The following DSCAM variants were observed in gnomAD, a reference collection of about 807,000 sequenced individuals.
The protein encoded by DSCAM is cell adhesion molecule DSCAM.
In DSCAM, 47 loss-of-function variants were observed where a neutral mutation model predicts 217.7. The observed-to-expected ratio is 0.22, with a 90% CI of 0.17 to 0.28. DSCAM has a LOEUF of 0.28. Among genes scored for constraint, DSCAM ranks in the 10% least tolerant of loss-of-function variants. The pLI, the probability that DSCAM is intolerant of heterozygous loss-of-function variation, is 1.00. For missense variants in DSCAM, 2,080 were observed against 2,618.3 expected (o/e 0.79, Z 4.49); for synonymous variants, 1,056 against 1,015.3 (o/e 1.04, Z -0.76).
chr21:40,722,429 T>C (rs1040946064), intron 1 of DSCAM, among the ~76,000 whole-genome samples: 1 of 152,164 alleles, frequency 6.6e-6, no homozygotes, highest in Non-Finnish European at 1.5e-5. Context: ...GGTCCTTCTA[T>C]AAATTAAGTG....
chr21:40,192,830 A>T (rs192879177), intron 11 of DSCAM, among the ~76,000 whole-genome samples: 68 of 152,310 alleles, frequency 4.5e-4, no homozygotes, highest in African/African-American at 1.6e-3. Flanking sequence ...CCACTGATGC[A>T]CACTGGGGTT....
Position 40,828,986 on chromosome 21 carries a change from C to T in DSCAM, c.43+17633G>A, listed in dbSNP as rs140739909. 7.2e-5 allele frequency among the ~76,000 whole-genome samples: 11 copies of T among 152,284 alleles called. No individual in the cohort carries two copies. In the East Asian group the frequency reaches 1.4e-3, roughly 19 times the overall value. On this transcript the variant is annotated intron_variant, in intron 1 of 32. Coordinates refer to ENST00000400454, the MANE Select transcript of DSCAM (RefSeq NM_001389.5). ...TCTTGTTACTACAAGGTCTGCTTCC[C>T]GCAGCCCCTGCTAGTTCACTCTGTA...
chr21:40,549,175 G>C (rs1431215460), intron 3 of DSCAM, among the ~76,000 whole-genome samples: 1 of 152,138 alleles, frequency 6.6e-6, no homozygotes, highest in Non-Finnish European at 1.5e-5. Flanking sequence ...GCAACACAGT[G>C]TGACCCTGTC....
At chr21:40,067,790 TTTTTA>T (rs1174876777) in intron 27 of DSCAM, among the ~76,000 whole-genome samples, 1 of 134,980 alleles carries the variant, frequency 7.4e-6, no homozygotes, top group Non-Finnish European at 1.6e-5. Context: ...TCCTTCCTTC[TTTTTA>T]TAATTCCTGG....
chr21:40,799,968 A>C (rs2091725027), intron 1 of DSCAM, among the ~76,000 whole-genome samples: 1 of 152,182 alleles, frequency 6.6e-6, no homozygotes. Flanking sequence ...GCAATATTGA[A>C]ATGTGGACTT....
intron 11 of DSCAM, among the ~76,000 whole-genome samples, chr21:40,217,144 C>T (rs949107858): frequency 2.0e-5 from 3 of 152,172 alleles, no homozygotes; most frequent in African/African-American, 7.2e-5. Context: ...TATTTGAAGT[C>T]TCAGAAGACT....
chr21:40,662,111 C>T (rs879649206), intron 3 of DSCAM, among the ~76,000 whole-genome samples: 4 of 106,870 alleles, frequency 3.7e-5, no homozygotes, highest in Non-Finnish European at 8.8e-5. Flanking sequence ...GGAATAAGCA[C>T]ATTACGTTGT....
At chr21:40,804,569 T>C (rs540409795) in intron 1 of DSCAM, among the ~76,000 whole-genome samples, 1 of 151,794 alleles carries the variant, frequency 6.6e-6, no homozygotes, top group East Asian at 1.9e-4. Context: ...GCCCCCACGG[T>C]TTCATTTTCT....
rs141113458 is a variant in DSCAM, at chr21:40,767,051, C to T, written c.44-58280G>A. Among the ~76,000 whole-genome samples, 1,133 of 152,068 alleles carry T rather than the reference C, an allele frequency of 7.5e-3. 16 individuals carry two copies. Among genetic ancestry groups the T allele is most frequent in the African/African-American group, 0.026 (1,078 of 41,452 alleles). On this transcript the variant is annotated intron_variant, in intron 1 of 32. Transcript: ENST00000400454. The stretch of plus-strand genomic sequence containing the variant: ...AAGGGTACTTGCTTTACAGGAAATA[C>T]GTAAGCCTTATGGGTAGGGGAAATG...
chr21:40,295,220 C>G lies in DSCAM; in HGVS notation c.2182+835G>C, dbSNP rs540935879. Among the ~76,000 whole-genome samples the G allele has an allele frequency of 4.3e-3, 647 of 151,948 alleles. 5 individuals carry two copies. Among genetic ancestry groups the G allele is most frequent in the Non-Finnish European group, 2.8e-3 (193 of 67,960 alleles). On this transcript the variant is annotated intron_variant, in intron 10 of 32. Coordinates refer to ENST00000400454, the MANE Select transcript of DSCAM (RefSeq NM_001389.5). ...GGTCATGATTGACTGATTATTTGAT[C>G]TCACCAGTACATATCTGGCCCTCAA... is the stretch of plus-strand genomic sequence containing the variant.
At chr21:40,433,286 CT>C (rs1424664874) in intron 3 of DSCAM, among the ~76,000 whole-genome samples, 3 of 147,068 alleles carry the variant, frequency 2.0e-5, no homozygotes, top group Non-Finnish European at 3.0e-5. Flanking sequence ...GAGGTGGAGA[CT>C]GCAGTGAGCT....
chr21:40,554,942 T>G lies in DSCAM; in HGVS notation c.508+137868A>C, dbSNP rs533164097. Among the ~76,000 whole-genome samples the G allele has an allele frequency of 5.3e-5, 8 of 152,354 alleles. No homozygotes were observed. The East Asian group carries it at 7.7e-4, about 15-fold the overall frequency. ...TGTGAGCCCCTTAAAGACAATGTTT[T>G]ATTAATTTTCCAGTAGGTAGCACCA... On this transcript the variant is annotated intron_variant, in intron 3 of 32. Transcript: ENST00000400454.
At chr21:40,687,529 TC>T (rs944525702) in intron 3 of DSCAM, among the ~76,000 whole-genome samples, 2 of 151,518 alleles carry the variant, frequency 1.3e-5, no homozygotes, top group Non-Finnish European at 2.9e-5. Flanking sequence ...GACCCTCAGG[TC>T]CCCCCGACAG....
At position 40,620,086 on chromosome 21, in the gene DSCAM, A is replaced by AAAAGAAAG. The variant is rs1452990795; in HGVS notation, c.508+72723_508+72724insCTTTCTTT. Among the ~76,000 whole-genome samples the AAAAGAAAG allele has an allele frequency of 9.6e-5, 7 of 72,548 alleles. 1 individual carries two copies. The highest frequency in any genetic ancestry group is 1.1e-3 in the East Asian group (2 of 1,880). 47.6% of individuals were successfully genotyped at this position (72,548 alleles called of 152,430 possible). A position where few individuals can be genotyped will look rare whatever the true frequency, so the allele number is the denominator to read the frequency against. ...AAGAAAGAGAGAAAGAGAAAAAAGA[A>AAAAGAAAG]AGAGAGAGAAAGAGAGAGAAAAAAG... On this transcript the variant is annotated intron_variant, in intron 3 of 32. Transcript: ENST00000400454.
At chr21:40,792,478 C>T (rs1333967628) in intron 1 of DSCAM, among the ~76,000 whole-genome samples, 1 of 152,110 alleles carries the variant, frequency 6.6e-6, no homozygotes, top group Non-Finnish European at 1.5e-5. Context: ...CCCCAATATC[C>T]CCATTTTAAC....
chr21:40,292,500 CAA>C (rs202072553), intron 10 of DSCAM, among the ~76,000 whole-genome samples: 1 of 133,894 alleles, frequency 7.5e-6, no homozygotes. Flanking sequence ...TGGAAAATGT[CAA>C]AAAAAAAAAG....
At chr21:40,231,718 G>C (rs1334084787) in intron 11 of DSCAM, among the ~76,000 whole-genome samples, 1 of 152,018 alleles carries the variant, frequency 6.6e-6, no homozygotes, top group Non-Finnish European at 1.5e-5. Context: ...TCCCAGGCTG[G>C]TCTGGAACTC....
At chr21:40,348,294 G>T (rs111827919) in intron 5 of DSCAM, among the ~76,000 whole-genome samples, 1 of 73,174 alleles carries the variant, frequency 1.4e-5, no homozygotes, top group Admixed American at 1.4e-4. Context: ...ACCCCAGAGA[G>T]TTCCTATCAG....
intron 3 of DSCAM, among the ~76,000 whole-genome samples, chr21:40,409,752 G>C (rs945235618): frequency 4.6e-5 from 7 of 152,210 alleles, no homozygotes; most frequent in Non-Finnish European, 1.0e-4. Flanking sequence ...ACCTTAGTAA[G>C]GGAGCCAATC....
Sources: gnomAD v4.1 joint callset for allele counts (sites outside exome capture counted in the v4.1 genomes callset) on GRCh38, gnomAD v4.1.1 for gene constraint, MANE v1.5 for transcripts, NCBI Gene and HGNC (gene_info 2026-07-23, HGNC 2026-07-21) for gene names.